Variants in TUBGCP3 observed in about 807,000 individuals in gnomAD.
TUBGCP3 encodes gamma-tubulin complex component 3.
A neutral mutation model predicts 123.1 loss-of-function variants in TUBGCP3; 50 were observed. The ratio of observed to expected loss-of-function variants is 0.41; its 90% CI spans 0.32 to 0.51. TUBGCP3 has a LOEUF of 0.51. Among genes scored for constraint, TUBGCP3 ranks in the 20% least tolerant of loss-of-function variants. The pLI is 0.36. For missense variants in TUBGCP3, 882 were observed against 1,127.0 expected (o/e 0.78, Z 3.11); for synonymous variants, 405 against 413.9 (o/e 0.98, Z 0.26).
chr13:112,495,796 C>G (rs1273841191), intron 20 of TUBGCP3, among the ~76,000 whole-genome samples: 2 of 152,086 alleles, frequency 1.3e-5, no homozygotes, highest in Non-Finnish European at 2.9e-5. Flanking sequence ...AAAGCAATCC[C>G]TAAAAATTAA....
chr13:112,524,470 G>A lies in TUBGCP3; in HGVS notation c.1556-1961C>T, dbSNP rs1257722452. 2.0e-5 allele frequency among the ~76,000 whole-genome samples: 3 copies of A among 152,184 alleles called. No individual in the cohort carries two copies. Among genetic ancestry groups the A allele is most frequent in the Non-Finnish European group, 2.9e-5 (2 of 68,032 alleles). ...TGTCCCAGGCACAGCCCATGTGTGC[G>A]CCGCCTTCTCTAGGAACTATGAAAG... On this transcript the variant is annotated intron_variant, in intron 13 of 21. Coordinates refer to ENST00000261965, the MANE Select transcript of TUBGCP3 (RefSeq NM_006322.6). This position sits in a 1 kb window ranked among gnomAD's most constrained non-coding sequence, Gnocchi z 4.4.
In TUBGCP3 at chr13:112,519,801, A is replaced by T; in HGVS notation, c.1881+85T>A. 1.3e-6 allele frequency: 2 copies of T among 1,487,426 alleles called. No individual in the cohort carries two copies. The highest frequency in any genetic ancestry group is 2.8e-5 in the South Asian group (2 of 71,982). 92.1% of individuals were successfully genotyped at this position (1,487,426 alleles called of 1,614,324 possible). On this transcript the variant is annotated intron_variant, in intron 15 of 21. Transcript: ENST00000261965. The surrounding 1 kb of genome is among the most constrained non-coding windows in gnomAD (Gnocchi z 6.2). The stretch of plus-strand genomic sequence containing the variant: ...GATAACGGCTAGCTGTGCCTGAAAC[A>T]ACATGGAAAACACTCGCTAGAACAC...
chr13:112,491,216 C>G (rs964927932), intron 20 of TUBGCP3, among the ~76,000 whole-genome samples: 3 of 152,180 alleles, frequency 2.0e-5, no homozygotes, highest in Non-Finnish European at 1.5e-5. Context: ...GCTTTTCCAA[C>G]TTTTTGAGTG....
chr13:112,582,235 G>A (rs1882320831), intron 1 of TUBGCP3, among the ~76,000 whole-genome samples: 1 of 152,166 alleles, frequency 6.6e-6, no homozygotes, highest in Non-Finnish European at 1.5e-5. Flanking sequence ...AGTGTTTAAA[G>A]TATAACTAAA....
intron 10 of TUBGCP3, 57 bp downstream of exon 10, chr13:112,547,563 C>A (rs772419217): frequency 9.0e-6 from 12 of 1,340,018 alleles, no homozygotes; most frequent in East Asian, 2.6e-5. Flanking sequence ...GTGGGAAAGT[C>A]GCGCGTGGGA....
intron 17 of TUBGCP3, among the ~76,000 whole-genome samples, chr13:112,506,034 A>G (rs774179203): frequency 6.6e-6 from 1 of 152,222 alleles, no homozygotes; most frequent in Admixed American, 6.5e-5. Context: ...TAAATGAAAT[A>G]TATGGCAGCC....
intron 1 of TUBGCP3, among the ~76,000 whole-genome samples, chr13:112,570,479 G>A (rs1881312754): frequency 6.6e-6 from 1 of 152,126 alleles, no homozygotes; most frequent in African/African-American, 2.4e-5. Context: ...GTTAAGTGTG[G>A]AACAGCATTA....
Position 112,486,034 on chromosome 13 carries a change from C to T in TUBGCP3, c.2683G>A (p.Val895Met), listed in dbSNP as rs540629621. The T allele has an allele frequency of 6.2e-6, 10 of 1,608,628 alleles. No individual in the cohort carries two copies. The highest frequency in any genetic ancestry group is 1.7e-4 in the Middle Eastern group (1 of 6,054). Reference protein sequence around the residue: ...HYKAREPRLRVSLGTRGRRSS... With the variant: ...HYKAREPRLRMSLGTRGRRSS... The stretch of plus-strand genomic sequence containing the variant: ...CGCCGCCCCCTGGTACCCAGAGACA[C>T]ACGGAGCCTGGGCTCCCTGGCTTTG... Residue 895 changes from valine to methionine, a missense_variant, in exon 22 of 22, where the codon GTG becomes ATG. Val to Met is a conservative substitution (Grantham distance 21). Coordinates refer to ENST00000261965, the MANE Select transcript of TUBGCP3 (RefSeq NM_006322.6).
the TUBGCP3 span, among the ~76,000 whole-genome samples, chr13:112,600,767 C>A: frequency 6.6e-6 from 1 of 152,126 alleles, no homozygotes; most frequent in Non-Finnish European, 1.5e-5. Context: ...CGCCTCTTCT[C>A]CAGAATCATT....
intron 11 of TUBGCP3, among the ~76,000 whole-genome samples, chr13:112,543,546 ACTG>A (rs1878706328): frequency 1.3e-5 from 2 of 152,260 alleles, no homozygotes; most frequent in Non-Finnish European, 2.9e-5. Context: ...AAAGGTAAGT[ACTG>A]CCTCTACCAA....
the TUBGCP3 span, among the ~76,000 whole-genome samples, chr13:112,595,193 A>G: frequency 1.6e-4 from 24 of 150,232 alleles, no homozygotes; most frequent in African/African-American, 5.8e-4. Flanking sequence ...AGCTCTATCA[A>G]TTAATACATT....
At chr13:112,548,033 T>A in intron 9 of TUBGCP3, 75 bp downstream of exon 9, 1 of 1,191,988 alleles carries the variant, frequency 8.4e-7, no homozygotes, top group Non-Finnish European at 1.2e-6. Flanking sequence ...TGAAGGAACT[T>A]AAAACATTCT....
chr13:112,537,366 T>A (rs189291220), intron 11 of TUBGCP3, among the ~76,000 whole-genome samples: 36 of 152,268 alleles, frequency 2.4e-4, no homozygotes, highest in African/African-American at 8.4e-4. Flanking sequence ...AAAAGGGTAC[T>A]GAATCTCATC....
At chr13:112,522,886 A>G (rs1380856509) in intron 13 of TUBGCP3, among the ~76,000 whole-genome samples, 4 of 152,258 alleles carry the variant, frequency 2.6e-5, no homozygotes, top group African/African-American at 9.6e-5. Flanking sequence ...CCAAAACAGC[A>G]CATGCAAATA....
At chr13:112,592,016 A>T (rs1270263877), upstream of TUBGCP3, among the ~76,000 whole-genome samples, 5 of 152,198 alleles carry the variant, frequency 3.3e-5, no homozygotes, top group African/African-American at 7.2e-5. This position sits in a 1 kb window ranked among gnomAD's most constrained non-coding sequence, Gnocchi z 4.1. Flanking sequence ...CCATTGTGTT[A>T]CAGAGTCCTG....
the TUBGCP3 span, among the ~76,000 whole-genome samples, chr13:112,602,383 G>A: frequency 6.6e-6 from 1 of 152,034 alleles, no homozygotes; most frequent in African/African-American, 2.4e-5. Flanking sequence ...TATAAAGATG[G>A]AGAGCCTCTG....
chr13:112,534,388 T>C (rs1877855911), intron 11 of TUBGCP3, among the ~76,000 whole-genome samples: 1 of 151,900 alleles, frequency 6.6e-6, no homozygotes, highest in Non-Finnish European at 1.5e-5. Context: ...CTACTAAAAG[T>C]ACAAAAAATT....
At chr13:112,509,887 C>A (rs1460398007) in intron 17 of TUBGCP3, among the ~76,000 whole-genome samples, 1 of 152,206 alleles carries the variant, frequency 6.6e-6, no homozygotes, top group African/African-American at 2.4e-5. Flanking sequence ...TCCTTTAGTT[C>A]CTAAAAAATT....
chr13:112,599,932 AC>A, the TUBGCP3 span, among the ~76,000 whole-genome samples: 1 of 151,898 alleles, frequency 6.6e-6, no homozygotes, highest in Non-Finnish European at 1.5e-5. Context: ...CCATCTCCCC[AC>A]CCCCTGCAGC....
Sources: gnomAD v4.1 joint callset for allele counts (sites outside exome capture counted in the v4.1 genomes callset) on GRCh38, gnomAD v4.1.1 for gene constraint, Gnocchi (gnomAD v3.1) non-coding constraint, MANE v1.5 for transcripts, NCBI Gene and HGNC (gene_info 2026-07-23, HGNC 2026-07-21) for gene names.